The following PCDHGA4 variants were observed in gnomAD, a reference collection of about 807,000 sequenced individuals.
PCDHGA4 encodes protocadherin gamma-A4.
A neutral mutation model predicts 54.6 loss-of-function variants in PCDHGA4; 38 were observed. That is an observed-to-expected ratio of 0.70 (90% CI 0.54 to 0.91). The LOEUF is 0.91. Among genes scored for constraint, PCDHGA4 ranks in the 40% least tolerant of loss-of-function variants. PCDHGA4 has a pLI of 0.00. For synonymous variants in PCDHGA4, 511 were observed against 512.9 expected, an observed-to-expected ratio of 1.00 and a Z score of 0.05; for missense variants, 1,298 against 1,220.9, an observed-to-expected ratio of 1.06 and a Z score of -0.94.
intron 1 of PCDHGA4, chr5:141,362,450 C>T (rs766571642): frequency 1.2e-6 from 2 of 1,614,050 alleles, no homozygotes; most frequent in Non-Finnish European, 1.7e-6. Context: ...AACATAACCC[C>T]GGAATTGGTT....
In PCDHGA4 at chr5:141,432,611, T is replaced by G. The variant is rs141541670; in HGVS notation, c.2515-62196T>G. The G allele has an allele frequency of 4.2e-4, 676 of 1,613,808 alleles. 1 individual carries two copies. The African/African-American group carries it at 5.6e-3, about 13-fold the overall frequency. On this transcript the variant is annotated intron_variant, in intron 1 of 3. Coordinates refer to ENST00000571252, the MANE Select transcript of PCDHGA4 (RefSeq NM_018917.4). This position sits in a 1 kb window ranked among gnomAD's most constrained non-coding sequence, Gnocchi z 6.0. ...CAAGGCCAGCGAGCCGGGACTCTTC[T>G]CGGTGGGTCTGCACACGGGCGAGGT...
At chr5:141,364,634 T>C (rs762469223) in intron 1 of PCDHGA4, 5 of 1,614,006 alleles carry the variant, frequency 3.1e-6, no homozygotes, top group Non-Finnish European at 3.4e-6. Context: ...GAGCCCACTG[T>C]GTGTGGTGAA....
rs1303365585 is a variant in PCDHGA4 at position 141,511,350 on chromosome 5, C to A, written c.*177C>A. 2.1e-5 allele frequency: 30 copies of A among 1,397,076 alleles called. No individual in the cohort carries two copies. Among genetic ancestry groups the A allele is most frequent in the African/African-American group, 1.7e-4 (12 of 68,780 alleles). The allele number at this position is 1,397,076 out of a possible 1,614,324, so 86.5% of individuals were successfully genotyped here. Reference sequence around the variant, plus strand: ...CCCAGTCAGCACCTACCCCTTCCCCCCCAGGGGGTTGAATATGCAAAAGCA... The same window carrying A: ...CCCAGTCAGCACCTACCCCTTCCCCACCAGGGGGTTGAATATGCAAAAGCA... On this transcript the variant is annotated 3_prime_UTR_variant, in exon 4 of 4. Transcript: ENST00000571252.
At chr5:141,455,607 G>A (rs2098827849) in intron 1 of PCDHGA4, among the ~76,000 whole-genome samples, 1 of 152,248 alleles carries the variant, frequency 6.6e-6, no homozygotes, top group East Asian at 1.9e-4. Context: ...GGGCGCCATG[G>A]ATGTTCTAAA....
rs751214480 is a variant in PCDHGA4, at chr5:141,485,161, G to A, written c.2515-9646G>A. ...CGTCTCAGGAGCAAGTAGAGAATTA[G>A]CGGGCGGCAGCAATGCTCCGCAAGG... On this transcript the variant is annotated intron_variant, in intron 1 of 3. Transcript: ENST00000571252. The surrounding 1 kb of genome is among the most constrained non-coding windows in gnomAD (Gnocchi z 5.7). The A allele has an allele frequency of 8.1e-6, 13 of 1,603,712 alleles. No individual in the cohort carries two copies. The Admixed American group carries it at 2.0e-4, about 25-fold the overall frequency.
intron 1 of PCDHGA4, chr5:141,389,349 A>C: frequency 5.6e-6 from 9 of 1,613,980 alleles, no homozygotes; most frequent in Non-Finnish European, 7.6e-6. Flanking sequence ...CTCTTACTGC[A>C]TCATGGCCAG....
chr5:141,460,936 A>G (rs189741735), intron 1 of PCDHGA4, among the ~76,000 whole-genome samples: 31 of 149,318 alleles, frequency 2.1e-4, no homozygotes, highest in Non-Finnish European at 3.8e-4. Flanking sequence ...GTGTGTGTGT[A>G]TATATATGTA....
At position 141,490,785 on chromosome 5, in the gene PCDHGA4, G is replaced by A. The variant is rs1021708826; in HGVS notation, c.2515-4022G>A. 1.2e-6 allele frequency: 2 copies of A among 1,614,066 alleles called. No individual in the cohort carries two copies. Among genetic ancestry groups the A allele is most frequent in the Non-Finnish European group, 1.7e-6 (2 of 1,179,952 alleles). On this transcript the variant is annotated intron_variant, in intron 1 of 3. Coordinates refer to ENST00000571252, the MANE Select transcript of PCDHGA4 (RefSeq NM_018917.4). The surrounding 1 kb of genome is among the most constrained non-coding windows in gnomAD (Gnocchi z 5.4). ...TGTATGTCAACCCAGAGGATGGACG[G>A]ATCTTTGCCCAGCGTACCTTTGACT...
At chr5:141,385,670 C>A in intron 1 of PCDHGA4, 1 of 420,128 alleles carries the variant, frequency 2.4e-6, no homozygotes, top group Non-Finnish European at 3.4e-6. Flanking sequence ...GAATAAAACA[C>A]ACCTCAGCTG....
intron 1 of PCDHGA4, chr5:141,412,044 A>T (rs1403784619): frequency 6.6e-6 from 1 of 152,194 alleles, no homozygotes; most frequent in East Asian, 1.9e-4. Context: ...AAAGAAGTGA[A>T]CTTCTATACC....
intron 1 of PCDHGA4, chr5:141,478,520 G>C (rs1474701976): frequency 1.2e-6 from 2 of 1,610,510 alleles, no homozygotes; most frequent in East Asian, 4.5e-5. Context: ...GCAGGTGTTG[G>C]GTGCAGAGAG....
At chr5:141,427,087 A>G (rs1338132084) in intron 1 of PCDHGA4, 1 of 458,198 alleles carries the variant, frequency 2.2e-6, no homozygotes, top group Non-Finnish European at 4.4e-6. Flanking sequence ...ACTGACCAGG[A>G]TGAGGGTGTC....
chr5:141,451,256 A>T (rs376288655), intron 1 of PCDHGA4, among the ~76,000 whole-genome samples: 1 of 152,212 alleles, frequency 6.6e-6, no homozygotes, highest in African/African-American at 2.4e-5. Context: ...GTGGATCAGG[A>T]CTGGGTATAG....
chr5:141,400,163 A>G, intron 1 of PCDHGA4: 1 of 1,613,830 alleles, frequency 6.2e-7, no homozygotes, highest in Non-Finnish European at 8.5e-7. Flanking sequence ...GTACCCTCTG[A>G]CCCCCAGGCT....
chr5:141,415,406 T>G, intron 1 of PCDHGA4: 1 of 1,614,208 alleles, frequency 6.2e-7, no homozygotes. Flanking sequence ...GGCTCGCACT[T>G]TGTGGGCGTG....
intron 1 of PCDHGA4, chr5:141,415,006 C>A (rs1353721901): frequency 6.2e-7 from 1 of 1,613,652 alleles, no homozygotes; most frequent in Non-Finnish European, 8.5e-7. Context: ...GCTGTCCTAC[C>A]GTCTGCTCAA....
chr5:141,392,735 C>T, intron 1 of PCDHGA4: 1 of 1,428,540 alleles, frequency 7.0e-7, no homozygotes, highest in East Asian at 2.5e-5. Context: ...ATTGTCATCT[C>T]CATAGCTGCG....
chr5:141,375,865 G>A (rs1588782771), intron 1 of PCDHGA4: 1 of 1,613,976 alleles, frequency 6.2e-7, no homozygotes, highest in Non-Finnish European at 8.5e-7. Context: ...TGGTGGCGGT[G>A]GACAGAGACT....
At chr5:141,407,117 C>T (rs1412216570) in intron 1 of PCDHGA4, among the ~76,000 whole-genome samples, 1 of 152,098 alleles carries the variant, frequency 6.6e-6, no homozygotes, top group African/African-American at 2.4e-5. Flanking sequence ...ATTTGGGTTT[C>T]AGTTGCTTTA....
Sources: allele counts gnomAD v4.1 joint callset (sites outside exome capture counted in the v4.1 genomes callset), GRCh38; gene constraint gnomAD v4.1.1; non-coding constraint Gnocchi (gnomAD v3.1); transcripts MANE v1.5; gene names NCBI Gene and HGNC (gene_info 2026-07-23, HGNC 2026-07-21).